SMUG1: variants seen among roughly 807,000 people sequenced by gnomAD.
SMUG1 encodes the protein single-strand selective monofunctional uracil DNA glycosylase.
Under a neutral mutation model 23.9 loss-of-function variants are expected in SMUG1, and 13 were observed. That is an observed-to-expected ratio of 0.54 (90% confidence interval 0.35 to 0.86). The LOEUF (loss-of-function observed/expected upper bound fraction) is 0.86, where lower values mean the gene tolerates loss of function less well. Among genes scored for constraint, SMUG1 ranks in the 40% least tolerant of loss-of-function variants. The pLI, the probability that SMUG1 is intolerant of heterozygous loss-of-function variation, is 0.01. For synonymous variants in SMUG1, 133 were observed against 139.8 expected (o/e 0.95, Z 0.34); for missense variants, 313 against 339.5 (o/e 0.92, Z 0.61).
At chr12:54,162,009 G>C (rs999945225), downstream of SMUG1, 1 of 152,464 alleles carries the variant, frequency 6.6e-6, no homozygotes. Flanking sequence ...TCCCACCACC[G>C]CAGGCTGGTC....
Position 54,181,691 on chromosome 12 carries a change from T to C in SMUG1, c.*405A>G, listed in dbSNP as rs200040688. Reference sequence around the variant, plus strand: ...GCTAAAGGTAACTGTTCTATAAGGATGGGTAGGTATCCTGGCAAGATATTT... The same window carrying C: ...GCTAAAGGTAACTGTTCTATAAGGACGGGTAGGTATCCTGGCAAGATATTT... On this transcript the variant is annotated 3_prime_UTR_variant, in exon 4 of 4. Transcript: ENST00000682136. 9.6e-5 allele frequency: 151 copies of C among 1,572,352 alleles called. No individual in the cohort carries two copies. Among genetic ancestry groups the C allele is most frequent in the Non-Finnish European group, 1.2e-4 (144 of 1,165,526 alleles).
chr12:54,181,640 C>G lies in SMUG1; in HGVS notation c.*456G>C. ...CTTAATTTCATGTCCCATGCTTTGT[C>G]TTGGTCCCTGTGAGGAAAGGGGTCA... On this transcript the variant is annotated 3_prime_UTR_variant, in exon 4 of 4. Coordinates refer to ENST00000682136, the MANE Select transcript of SMUG1 (RefSeq NM_001243787.2). The G allele has an allele frequency of 6.3e-7, 1 of 1,589,302 alleles. No individual in the cohort carries two copies. The highest frequency in any genetic ancestry group is 8.5e-7 in the Non-Finnish European group (1 of 1,175,416).
chr12:54,171,149 G>A (rs915381784), intron 3 of SMUG1, among the ~76,000 whole-genome samples: 8 of 151,770 alleles, frequency 5.3e-5, no homozygotes, highest in South Asian at 2.1e-4. Context: ...ACAGGCGTCC[G>A]CCACCACATC....
At chr12:54,177,892 C>T (rs1456413679), downstream of SMUG1, among the ~76,000 whole-genome samples, 1 of 152,152 alleles carries the variant, frequency 6.6e-6, no homozygotes, top group East Asian at 1.9e-4. Flanking sequence ...ACTTTGTGTG[C>T]CTGTTATAGA....
intron 4 of SMUG1, among the ~76,000 whole-genome samples, chr12:54,158,668 T>C (rs1434020377): frequency 6.6e-6 from 1 of 152,156 alleles, no homozygotes; most frequent in African/African-American, 2.4e-5. Context: ...CCCACACTGA[T>C]GTGTCACAAC....
chr12:54,181,563 C>T lies in SMUG1; in HGVS notation c.*533G>A. ...CCAGGTCTTCTGACTTGCACTCTGT[C>T]ACACTGGATTTTTCCTCTGATCCAG... On this transcript the variant is annotated 3_prime_UTR_variant, in exon 4 of 4. Transcript: ENST00000682136. 6.4e-7 allele frequency: 1 copy of T among 1,551,878 alleles called. No individual in the cohort carries two copies. The highest frequency in any genetic ancestry group is 8.7e-7 in the Non-Finnish European group (1 of 1,154,936).
chr12:54,171,519 G>A (rs1019058834), intron 3 of SMUG1, among the ~76,000 whole-genome samples: 14 of 151,074 alleles, frequency 9.3e-5, no homozygotes, highest in Non-Finnish European at 1.9e-4. Context: ...GTGAAACCCC[G>A]TCTCTACTAA....
chr12:54,170,317 A>G (rs4376949), intron 3 of SMUG1, among the ~76,000 whole-genome samples: 16,531 of 152,078 alleles, frequency 0.11, 1,130 homozygotes, highest in East Asian at 0.2. Context: ...CTCTTTCCCT[A>G]GCTCTGGGAC....
At chr12:54,163,832 A>G (rs150792888), downstream of SMUG1, among the ~76,000 whole-genome samples, 101 of 152,366 alleles carry the variant, frequency 6.6e-4, 2 homozygotes, top group African/African-American at 2.3e-3. Context: ...AGAGAAGTAC[A>G]TGAGATCATA....
rs756354301 is a variant in SMUG1 at position 54,182,201 on chromosome 12, C to T, written c.708G>A (p.Gly236=). 1.2e-6 allele frequency: 2 copies of T among 1,611,546 alleles called. No individual in the cohort carries two copies. The highest frequency in any genetic ancestry group is 2.2e-5 in the East Asian group (1 of 44,782). Residue 236 remains glycine (G), a synonymous_variant, in exon 4 of 4, where the codon GGG becomes GGA. Coordinates refer to ENST00000682136, the MANE Select transcript of SMUG1 (RefSeq NM_001243787.2). ...AGLMPEVQVE[G]LLHPSPRNPQ... ...GGTTACGGGGAGAGGGATGCAGGAGCCCTTCCACCTGGACCTCTGGCATCA... is the reference window on the plus strand; with the variant it reads ...GGTTACGGGGAGAGGGATGCAGGAGTCCTTCCACCTGGACCTCTGGCATCA...
In SMUG1 at chr12:54,181,658, AG is replaced by A. The variant is rs1460346505; in HGVS notation, c.*437del. 2 of 1,589,286 alleles carry A rather than the reference AG, an allele frequency of 1.3e-6. No individual in the cohort carries two copies. Among genetic ancestry groups the A allele is most frequent in the East Asian group, 4.5e-5 (2 of 44,762 alleles). On this transcript the variant is annotated 3_prime_UTR_variant, in exon 4 of 4. Transcript: ENST00000682136. ...GCTTTGTCTTGGTCCCTGTGAGGAA[AG>A]GGGTCAGCTAAAGGTAACTGTTCTA...
At chr12:54,183,338 G>A in intron 3 of SMUG1, 1 of 513,404 alleles carries the variant, frequency 1.9e-6, no homozygotes, top group Non-Finnish European at 3.5e-6. Context: ...TCCCTCTTCT[G>A]ACCCCAACCA....
chr12:54,184,246 T>G (rs1039942514), intron 2 of SMUG1: 1 of 291,490 alleles, frequency 3.4e-6, no homozygotes, highest in Admixed American at 5.0e-5. Context: ...CCATCAGGCA[T>G]AGGTCACTAG....
In SMUG1 at chr12:54,182,459, TC is replaced by T; in HGVS notation, c.449del (p.Gly150AspfsTer79). 6.2e-7 allele frequency: 1 copy of T among 1,614,140 alleles called. No individual in the cohort carries two copies. The highest frequency in any genetic ancestry group is 1.1e-5 in the South Asian group (1 of 91,080). On this transcript the variant is annotated frameshift_variant, in exon 4 of 4. Transcript: ENST00000682136. LOFTEE classifies it high-confidence loss of function. ...AGTGATGGAAGAAGACCTCAGGCTG[TC>T]CACAGAGGTTCCGGAAAAAGCCCCA... ...RFWGFFRNLC[G>X]QPEVFFHHCF...
chr12:54,170,193 T>C (rs1464125492), intron 3 of SMUG1, among the ~76,000 whole-genome samples: 5 of 146,860 alleles, frequency 3.4e-5, no homozygotes, highest in Non-Finnish European at 6.0e-5. Context: ...AGCGAAACTC[T>C]GTCTTAAAAA....
chr12:54,169,912 T>C (rs1386799696), intron 3 of SMUG1, among the ~76,000 whole-genome samples: 1 of 152,142 alleles, frequency 6.6e-6, no homozygotes, highest in Non-Finnish European at 1.5e-5. Flanking sequence ...AGAAGCTCAC[T>C]GTTGGGCTGG....
intron 2 of SMUG1, among the ~76,000 whole-genome samples, chr12:54,173,566 C>T (rs1940679076): frequency 6.6e-6 from 1 of 152,220 alleles, no homozygotes; most frequent in Non-Finnish European, 1.5e-5. Context: ...GGCCCGCCGC[C>T]GAGCCCGCTC....
chr12:54,168,908 T>C (rs1940549979), intron 3 of SMUG1, among the ~76,000 whole-genome samples: 1 of 152,082 alleles, frequency 6.6e-6, no homozygotes, highest in South Asian at 2.1e-4. Flanking sequence ...CCAGGGAAGA[T>C]GGAAATGAGA....
chr12:54,185,739 C>G (rs1274586438), intron 2 of SMUG1, among the ~76,000 whole-genome samples: 1 of 151,892 alleles, frequency 6.6e-6, no homozygotes, highest in Non-Finnish European at 1.5e-5. Context: ...TGAACCAGGA[C>G]CTGGGAGGCA....
Sources: gnomAD v4.1 joint callset for allele counts (sites outside exome capture counted in the v4.1 genomes callset) on GRCh38, gnomAD v4.1.1 for gene constraint, MANE v1.5 for transcripts, NCBI Gene and HGNC (gene_info 2026-07-23, HGNC 2026-07-21) for gene names.